The following SDK1 variants were observed in gnomAD, a reference collection of about 807,000 sequenced individuals.
SDK1 encodes protein sidekick-1.
Under a neutral mutation model 245.5 loss-of-function variants are expected in SDK1, and 157 were observed. The ratio of observed to expected loss-of-function variants is 0.64; its 90% confidence interval spans 0.56 to 0.73. SDK1 has a LOEUF of 0.73. SDK1 is among the 30% of genes least tolerant of loss of function. SDK1 has a pLI of 0.00. For synonymous variants in SDK1, 1,647 were observed against 1,278.5 expected (o/e 1.29, Z -6.15); for missense variants, 3,583 against 3,002.3 (o/e 1.19, Z -4.52).
chr7:3,842,937 A>G (rs763846135), intron 5 of SDK1, among the ~76,000 whole-genome samples: 2 of 152,080 alleles, frequency 1.3e-5, no homozygotes, highest in Non-Finnish European at 2.9e-5. Flanking sequence ...CCAGAAGAAC[A>G]TGTATCGGCC....
chr7:4,174,389 A>T, intron 33 of SDK1, 32 bp downstream of exon 33: 1 of 1,610,360 alleles, frequency 6.2e-7, no homozygotes, highest in Non-Finnish European at 8.5e-7. Flanking sequence ...TGGTACAGGG[A>T]GGGAGGTTCC....
intron 4 of SDK1, among the ~76,000 whole-genome samples, chr7:3,714,095 G>C (rs913557358): frequency 2.6e-5 from 4 of 152,194 alleles, no homozygotes; most frequent in African/African-American, 9.6e-5. Context: ...AAAGGAGGAA[G>C]CGTTTAAAGT....
chr7:3,749,491 G>A (rs1159425861), intron 4 of SDK1, among the ~76,000 whole-genome samples: 1 of 152,176 alleles, frequency 6.6e-6, no homozygotes, highest in Admixed American at 6.5e-5. Context: ...AGTAGAGACA[G>A]GGTTTCACCA....
At chr7:3,837,054 C>A (rs1780043616) in intron 5 of SDK1, among the ~76,000 whole-genome samples, 1 of 152,154 alleles carries the variant, frequency 6.6e-6, no homozygotes, top group Non-Finnish European at 1.5e-5. Flanking sequence ...GTTAGAGACA[C>A]CGCATGATCT....
intron 1 of SDK1, among the ~76,000 whole-genome samples, chr7:3,397,357 C>G (rs1208446995): frequency 6.6e-5 from 10 of 151,750 alleles, no homozygotes; most frequent in Non-Finnish European, 1.5e-5. Context: ...TTTAGTGTTT[C>G]TTGTAGAGCA....
At chr7:3,408,037 C>T (rs1050009661) in intron 1 of SDK1, among the ~76,000 whole-genome samples, 2 of 151,830 alleles carry the variant, frequency 1.3e-5, no homozygotes, top group African/African-American at 4.8e-5. Flanking sequence ...CGCCATAGTT[C>T]ATTCTTTCAT....
At chr7:3,684,964 C>T (rs1784232300) in intron 4 of SDK1, among the ~76,000 whole-genome samples, 1 of 151,940 alleles carries the variant, frequency 6.6e-6, no homozygotes, top group South Asian at 2.1e-4. Flanking sequence ...ATAGATTGGA[C>T]ACAACAACAA....
At position 4,268,394 on chromosome 7, in the gene SDK1, G is replaced by C. The variant is rs1788600805; in HGVS notation, c.*3010G>C. On this transcript the variant is annotated 3_prime_UTR_variant, in exon 45 of 45. Transcript: ENST00000404826. ...GCACGGCCACCTTCTGGGTGAATCG[G>C]TCCAGCCCAAGCCCCTCTCCCCAGC... 4 of 1,095,136 alleles carry C rather than the reference G, an allele frequency of 3.7e-6. No homozygotes were observed. Among genetic ancestry groups the C allele is most frequent in the Admixed American group, 4.5e-5 (1 of 22,090 alleles). The allele number at this position is 1,095,136 out of a possible 1,614,324, so 67.8% of individuals were successfully genotyped here.
At chr7:4,214,078 G>A (rs1001171175) in intron 38 of SDK1, among the ~76,000 whole-genome samples, 1 of 152,192 alleles carries the variant, frequency 6.6e-6, no homozygotes, top group Admixed American at 6.5e-5. Flanking sequence ...CAGACAGAGA[G>A]ATTGGGCTCA....
intron 1 of SDK1, among the ~76,000 whole-genome samples, chr7:3,392,669 T>C (rs892731035): frequency 2.6e-5 from 4 of 152,166 alleles, no homozygotes; most frequent in African/African-American, 9.7e-5. Flanking sequence ...CTTTATGAAT[T>C]TGTCTACTCT....
chr7:3,777,733 G>C (rs2115007690), intron 4 of SDK1, among the ~76,000 whole-genome samples: 1 of 152,056 alleles, frequency 6.6e-6, no homozygotes, highest in Middle Eastern at 3.4e-3. Context: ...ATATTACTTT[G>C]CAATCATTAT....
chr7:3,615,211 T>G (rs1029116081), intron 1 of SDK1, among the ~76,000 whole-genome samples: 1 of 151,454 alleles, frequency 6.6e-6, no homozygotes, highest in African/African-American at 2.4e-5. Context: ...TTAAACAGAG[T>G]GCAAATGGCC....
intron 4 of SDK1, among the ~76,000 whole-genome samples, chr7:3,659,283 A>C (rs527809177): frequency 1.3e-5 from 2 of 152,246 alleles, no homozygotes; most frequent in Admixed American, 6.5e-5. Flanking sequence ...TACTGGTATG[A>C]TATCACATAG....
At chr7:4,066,558 G>C (rs1292919299) in intron 19 of SDK1, among the ~76,000 whole-genome samples, 1 of 152,180 alleles carries the variant, frequency 6.6e-6, no homozygotes, top group African/African-American at 2.4e-5. Flanking sequence ...GGCAGGGCTT[G>C]GGAGTAACGG....
intron 1 of SDK1, 150 bp downstream of exon 1, chr7:3,302,034 TC>T: frequency 2.2e-6 from 1 of 459,626 alleles, no homozygotes; most frequent in Non-Finnish European, 3.0e-6. Flanking sequence ...CAGGGGCTCC[TC>T]CACGCCAGAC....
intron 13 of SDK1, among the ~76,000 whole-genome samples, chr7:3,981,224 T>C (rs1783378254): frequency 6.6e-6 from 1 of 152,172 alleles, no homozygotes; most frequent in Non-Finnish European, 1.5e-5. Flanking sequence ...AATGTTACTA[T>C]TGTAATTGTT....
intron 36 of SDK1, among the ~76,000 whole-genome samples, chr7:4,207,093 T>C (rs1255600483): frequency 6.6e-6 from 1 of 152,220 alleles, no homozygotes; most frequent in Non-Finnish European, 1.5e-5. Flanking sequence ...GACGGTCAAT[T>C]CAGTGAGCAG....
chr7:3,804,333 T>A (rs769479172), intron 4 of SDK1, among the ~76,000 whole-genome samples: 1 of 152,184 alleles, frequency 6.6e-6, no homozygotes, highest in South Asian at 2.1e-4. Context: ...TTGGTACCAT[T>A]GTTAAAAAGA....
intron 1 of SDK1, among the ~76,000 whole-genome samples, chr7:3,379,244 G>C (rs745571031): frequency 6.6e-6 from 1 of 152,124 alleles, no homozygotes; most frequent in Non-Finnish European, 1.5e-5. Flanking sequence ...TGTCACGATG[G>C]AGCTTATGTA....
Sources: gnomAD v4.1 joint callset for allele counts (sites outside exome capture counted in the v4.1 genomes callset) on GRCh38, gnomAD v4.1.1 for gene constraint, MANE v1.5 for transcripts, NCBI Gene and HGNC (gene_info 2026-07-23, HGNC 2026-07-21) for gene names.